KLB: variants seen among roughly 807,000 people sequenced by gnomAD.
KLB encodes the protein klotho beta, also known as beta-klotho.
A neutral mutation model predicts 88.4 loss-of-function variants in KLB; 44 were observed. The observed-to-expected ratio is 0.50, with a 90% confidence interval of 0.39 to 0.64. The LOEUF (loss-of-function observed/expected upper bound fraction) is 0.64. KLB is among the 30% of genes least tolerant of loss of function. The pLI is 0.00. For missense variants in KLB, 1,137 were observed against 1,304.8 expected (o/e 0.87, Z 1.98); for synonymous variants, 548 against 513.4 (o/e 1.07, Z -0.91).
At chr4:39,436,444 C>T (rs1165437168) in intron 2 of KLB, among the ~76,000 whole-genome samples, 1 of 152,190 alleles carries the variant, frequency 6.6e-6, no homozygotes, top group Non-Finnish European at 1.5e-5. Context: ...GTCCATTCCC[C>T]AGGTGTTACC....
chr4:39,407,051 A>C lies in KLB; in HGVS notation c.102A>C (p.Gly34=), dbSNP rs550703483. The C allele has an allele frequency of 1.1e-4, 182 of 1,613,990 alleles. No homozygotes were observed. In the South Asian group the frequency reaches 1.9e-3, roughly 17 times the overall value. Residue 34 remains glycine, a synonymous_variant, in exon 1 of 5, where the codon GGA becomes GGC. Transcript: ENST00000257408. ...TRYRNTMSNG[G]LQRSVILSAL... ...ATAGGAATACAATGTCCAACGGGGG[A>C]TTGCAAAGATCTGTCATCCTGTCAG...
chr4:39,446,150 C>G lies in KLB; in HGVS notation c.1606-182C>G, dbSNP rs1445270804. Among the ~76,000 whole-genome samples, 1 of 152,128 alleles carries G rather than the reference C, an allele frequency of 6.6e-6. No homozygotes were observed. The highest frequency in any genetic ancestry group is 1.5e-5 in the Non-Finnish European group (1 of 68,012). On this transcript the variant is annotated intron_variant, in intron 3 of 4. Transcript: ENST00000257408. The surrounding 1 kb of genome is among the most constrained non-coding windows in gnomAD (Gnocchi z 6.4). ...ATGTTTTCTCAAACAACTTGTTTTC[C>G]AAGCCAGGACCTGGGTGTGGCTCCT...
chr4:39,412,333 T>G (rs948736697), intron 1 of KLB, among the ~76,000 whole-genome samples: 3 of 152,212 alleles, frequency 2.0e-5, no homozygotes, highest in Admixed American at 1.3e-4. Context: ...ATTATCCTCA[T>G]CTTACAGTGT....
intron 2 of KLB, among the ~76,000 whole-genome samples, 181 bp downstream of exon 2, chr4:39,434,901 G>T (rs1168495121): frequency 6.6e-6 from 1 of 151,912 alleles, no homozygotes; most frequent in Admixed American, 6.6e-5. Context: ...CCGCCTCCTG[G>T]GTTCAAGTGA....
At chr4:39,443,548 C>G (rs967737636) in intron 3 of KLB, among the ~76,000 whole-genome samples, 1 of 148,532 alleles carries the variant, frequency 6.7e-6, no homozygotes, top group East Asian at 2.0e-4. Flanking sequence ...ACCTGTCTGG[C>G]CTGTCAGGAC....
At chr4:39,409,586 GCCAGTCC>G (rs1249792306) in intron 1 of KLB, among the ~76,000 whole-genome samples, 1 of 151,508 alleles carries the variant, frequency 6.6e-6, no homozygotes, top group East Asian at 2.0e-4. Flanking sequence ...ACTGCGCTCA[GCCAGTCC>G]TTTTAATTTT....
At position 39,446,803 on chromosome 4, in the gene KLB, G is replaced by A. The variant is rs1304614722; in HGVS notation, c.2077G>A (p.Glu693Lys). 1.9e-6 allele frequency: 3 copies of A among 1,612,614 alleles called. No homozygotes were observed. Among genetic ancestry groups the A allele is most frequent in the Non-Finnish European group, 2.5e-6 (3 of 1,179,690 alleles). ...DLVKLWITIN[E>K]PNRLSDIYNR... is the part of the protein sequence containing the mutation. ...GGTGAAGCTCTGGATCACCATCAACGAGCCTAACCGGCTAAGTGACATCTA... is the reference window on the plus strand; with the variant it reads ...GGTGAAGCTCTGGATCACCATCAACAAGCCTAACCGGCTAAGTGACATCTA... The change falls in exon 4 of 5, where the codon GAG (glutamate) becomes AAG (lysine). Residue 693 changes from glutamate (E) to lysine (K), a missense_variant. Coordinates refer to ENST00000257408, the MANE Select transcript of KLB (RefSeq NM_175737.4). This position sits in a 1 kb window ranked among gnomAD's most constrained non-coding sequence, Gnocchi z 6.4.
At chr4:39,415,608 G>A (rs1218613879) in intron 1 of KLB, among the ~76,000 whole-genome samples, 3 of 151,952 alleles carry the variant, frequency 2.0e-5, no homozygotes, top group Admixed American at 6.6e-5. Flanking sequence ...ATGGTAAAAT[G>A]CCCAAATTTA....
At chr4:39,430,788 A>T (rs1743341017) in intron 1 of KLB, among the ~76,000 whole-genome samples, 1 of 149,080 alleles carries the variant, frequency 6.7e-6, no homozygotes, top group Admixed American at 6.7e-5. Flanking sequence ...TTTTTTTAGT[A>T]GAGAAGAGGT....
At chr4:39,419,535 A>G in intron 1 of KLB, among the ~76,000 whole-genome samples, 1 of 152,160 alleles carries the variant, frequency 6.6e-6, no homozygotes, top group East Asian at 1.9e-4. Context: ...GCACTTTGGG[A>G]GGCTGAGGTG....
At chr4:39,425,473 G>A (rs563847503) in intron 1 of KLB, among the ~76,000 whole-genome samples, 5 of 152,096 alleles carry the variant, frequency 3.3e-5, no homozygotes, top group African/African-American at 4.8e-5. Flanking sequence ...TCTGTCACCC[G>A]GGCTGGAGTG....
At chr4:39,417,337 G>A (rs1398423490) in intron 1 of KLB, among the ~76,000 whole-genome samples, 1 of 151,034 alleles carries the variant, frequency 6.6e-6, no homozygotes, top group East Asian at 1.9e-4. Context: ...TGTTTGAGAC[G>A]GAGTTTCGCT....
chr4:39,410,805 G>C (rs771151037), intron 1 of KLB, among the ~76,000 whole-genome samples: 5 of 152,094 alleles, frequency 3.3e-5, no homozygotes, highest in Non-Finnish European at 5.9e-5. Flanking sequence ...TTCTCAGATA[G>C]AGAAAAGGTT....
At chr4:39,412,660 C>G (rs148602896) in intron 1 of KLB, among the ~76,000 whole-genome samples, 1 of 152,314 alleles carries the variant, frequency 6.6e-6, no homozygotes, top group Non-Finnish European at 1.5e-5. Flanking sequence ...AGTGCCCCTT[C>G]TGCTGGCTCC....
chr4:39,421,892 G>A (rs4975012), intron 1 of KLB, among the ~76,000 whole-genome samples: 43,098 of 152,074 alleles, frequency 0.28, 7,079 homozygotes, highest in African/African-American at 0.46. Context: ...TAACAGGCAT[G>A]TGCCACCACT....
At chr4:39,422,887 GAGTAGA>G (rs1184563922) in intron 1 of KLB, among the ~76,000 whole-genome samples, 1 of 148,122 alleles carries the variant, frequency 6.8e-6, no homozygotes, top group African/African-American at 2.6e-5. Context: ...TCAGCCTCCC[GAGTAGA>G]GTAGCTGGGA....
Position 39,407,050 on chromosome 4 carries a change from G to T in KLB, c.101G>T (p.Gly34Val). ...TATAGGAATACAATGTCCAACGGGG[G>T]ATTGCAAAGATCTGTCATCCTGTCA... ...TRYRNTMSNG[G>V]LQRSVILSAL... The change falls in exon 1 of 5, where the codon GGA becomes GTA. Residue 34 changes from glycine (G) to valine (V), a missense_variant. Physicochemically the swap from Gly to Val is moderately radical, Grantham distance 109. This residue lies in a region of KLB where 111 missense variants were observed against 118.3 expected (regional missense o/e 0.94). Transcript: ENST00000257408. The T allele has an allele frequency of 6.2e-7, 1 of 1,614,044 alleles. No homozygotes were observed. The highest frequency in any genetic ancestry group is 2.2e-5 in the East Asian group (1 of 44,894).
chr4:39,431,686 G>C (rs1743365999), intron 1 of KLB, among the ~76,000 whole-genome samples: 1 of 152,192 alleles, frequency 6.6e-6, no homozygotes, highest in African/African-American at 2.4e-5. Flanking sequence ...AATCTTCCAG[G>C]AATTTATTTA....
chr4:39,448,659 A>T lies in KLB; in HGVS notation c.3108A>T (p.Leu1036Phe), dbSNP rs1743818849. Residue 1036 changes from leucine (L) to phenylalanine (F), a missense_variant, in exon 5 of 5, where the codon TTA (leucine) becomes TTT (phenylalanine). Transcript: ENST00000257408. ...WKAKNLQHIPLKKGKRVVS is the reference protein window; with the variant it reads ...WKAKNLQHIPFKKGKRVVS ...CAAAAAACTTACAACACATACCATT[A>T]AAGAAAGGCAAGAGAGTTGTTAGCT... The T allele has an allele frequency of 6.2e-7, 1 of 1,611,132 alleles. No homozygotes were observed. Among genetic ancestry groups the T allele is most frequent in the Non-Finnish European group, 8.5e-7 (1 of 1,179,790 alleles).
Sources: gnomAD v4.1 joint callset for allele counts (sites outside exome capture counted in the v4.1 genomes callset) on GRCh38, gnomAD v4.1.1 for gene constraint, gnomAD v4.1.1 regional missense constraint, Gnocchi (gnomAD v3.1) non-coding constraint, MANE v1.5 for transcripts, NCBI Gene and HGNC (gene_info 2026-07-23, HGNC 2026-07-21) for gene names.